Variants in FBXW11 observed in about 807,000 individuals in gnomAD.
The protein encoded by FBXW11 is F-box/WD repeat-containing protein 11.
Under a neutral mutation model 77.6 loss-of-function variants are expected in FBXW11, and 19 were observed. The observed-to-expected ratio is 0.24, with a 90% CI of 0.17 to 0.36. FBXW11 has a LOEUF of 0.36. Among genes scored for constraint, FBXW11 ranks in the 10% least tolerant of loss-of-function variants. The probability of loss-of-function intolerance (pLI) is 1.00; values close to 1 mark genes in which losing one functional copy is unlikely to be tolerated. For synonymous variants in FBXW11, 235 were observed against 249.4 expected (o/e 0.94, Z 0.54); for missense variants, 334 against 704.2 (o/e 0.47, Z 5.95).
At chr5:171,984,334 C>T (rs1404123912) in intron 1 of FBXW11, among the ~76,000 whole-genome samples, 1 of 152,172 alleles carries the variant, frequency 6.6e-6, no homozygotes, top group East Asian at 1.9e-4. Context: ...ATAAAACATA[C>T]CTATACAAAT....
At chr5:171,866,644 A>T (rs1274411793) in intron 13 of FBXW11, among the ~76,000 whole-genome samples, 1 of 152,178 alleles carries the variant, frequency 6.6e-6, no homozygotes, top group Non-Finnish European at 1.5e-5. Flanking sequence ...ATTGTAATAC[A>T]CCAGAAAAAG....
chr5:171,883,567 C>T lies in FBXW11; in HGVS notation c.853-5438G>A, dbSNP rs187841682. 2.6e-4 allele frequency among the ~76,000 whole-genome samples: 40 copies of T among 152,280 alleles called. 1 individual carries two copies. The highest frequency in any genetic ancestry group is 2.1e-3 in the Admixed American group (32 of 15,298). ...AAAAAGAAATCTCCACATTGTTTTC[C>T]ATAGCAGCTGTACTAGTTTACATTC... On this transcript the variant is annotated intron_variant, in intron 7 of 13. Transcript: ENST00000517395.
intron 7 of FBXW11, among the ~76,000 whole-genome samples, chr5:171,880,858 G>C (rs1259641932): frequency 6.6e-6 from 1 of 152,100 alleles, no homozygotes; most frequent in Non-Finnish European, 1.5e-5. Flanking sequence ...ACCACACCCG[G>C]CTAATTTTTG....
At chr5:171,940,865 G>A (rs189814517) in intron 2 of FBXW11, among the ~76,000 whole-genome samples, 6 of 132,748 alleles carry the variant, frequency 4.5e-5, no homozygotes, top group South Asian at 2.7e-4. Context: ...CCAGCCTGGC[G>A]ACAGAGCAAG....
chr5:171,916,325 G>T, intron 2 of FBXW11: 2 of 334,124 alleles, frequency 6.0e-6, no homozygotes, highest in Non-Finnish European at 8.5e-6. Context: ...CAGAGATTTT[G>T]ACAGGATGCT....
intron 13 of FBXW11, among the ~76,000 whole-genome samples, 197 bp downstream of exon 13, chr5:171,868,413 C>T (rs560262274): frequency 5.3e-5 from 8 of 152,220 alleles, no homozygotes; most frequent in Non-Finnish European, 1.2e-4. Flanking sequence ...AAAACCCACA[C>T]AATAGGCAGG....
At chr5:171,955,718 A>G (rs1763572347) in intron 2 of FBXW11, among the ~76,000 whole-genome samples, 1 of 152,080 alleles carries the variant, frequency 6.6e-6, no homozygotes, top group South Asian at 2.1e-4. Context: ...CATACCCTCA[A>G]TTATATACTA....
rs1763644799 is a variant in FBXW11 at position 171,956,949 on chromosome 5, G to A, written c.147+648C>T. Among the ~76,000 whole-genome samples, 4 of 152,140 alleles carry A rather than the reference G, an allele frequency of 2.6e-5. No homozygotes were observed. In the East Asian group the frequency reaches 7.7e-4, roughly 29 times the overall value. On this transcript the variant is annotated intron_variant, in intron 2 of 13. Transcript: ENST00000517395. Reference sequence around the variant, plus strand: ...GCACTCCTGCTAACAGTTCTATCCTGAGCAACCCTTTCCCATCCACCCCCA... The same window carrying A: ...GCACTCCTGCTAACAGTTCTATCCTAAGCAACCCTTTCCCATCCACCCCCA...
intron 1 of FBXW11, among the ~76,000 whole-genome samples, chr5:171,987,516 T>C (rs1020238256): frequency 6.6e-6 from 1 of 152,114 alleles, no homozygotes; most frequent in African/African-American, 2.4e-5. Flanking sequence ...AGTGGCACAA[T>C]CTCAGCTCAC....
At chr5:172,006,353 C>T in intron 1 of FBXW11, 105 bp downstream of exon 1, 1 of 1,025,006 alleles carries the variant, frequency 9.8e-7, no homozygotes, top group Non-Finnish European at 1.4e-6. Context: ...TGGGTCGAGG[C>T]GTCTGGGAAG....
chr5:171,948,505 A>T (rs1763138464), intron 2 of FBXW11, among the ~76,000 whole-genome samples: 1 of 152,152 alleles, frequency 6.6e-6, no homozygotes, highest in Non-Finnish European at 1.5e-5. Context: ...TGGGAGGTAG[A>T]GGCAGGAAGA....
intron 1 of FBXW11, among the ~76,000 whole-genome samples, chr5:171,971,745 G>C (rs1395465485): frequency 6.6e-6 from 1 of 152,194 alleles, no homozygotes. Context: ...CACTTTGGCA[G>C]GCCAAGGAGG....
At chr5:171,937,286 C>T (rs1433959905) in intron 2 of FBXW11, among the ~76,000 whole-genome samples, 2 of 152,152 alleles carry the variant, frequency 1.3e-5, no homozygotes, top group Non-Finnish European at 2.9e-5. Context: ...ATCAGTCCTA[C>T]CAGACATCAA....
chr5:171,916,108 G>A (rs762038024), intron 2 of FBXW11, among the ~76,000 whole-genome samples: 9 of 151,536 alleles, frequency 5.9e-5, no homozygotes, highest in East Asian at 1.9e-4. Flanking sequence ...GGGGAGGTGG[G>A]GGGATAGCAT....
In FBXW11 at chr5:171,967,871, TATATATATATATACACACACACAC is replaced by T. The variant is rs1284821892; in HGVS notation, c.46-10197_46-10174del. Among the ~76,000 whole-genome samples the T allele has an allele frequency of 1.8e-4, 20 of 110,880 alleles. No homozygotes were observed. The East Asian group carries it at 2.3e-3, about 13-fold the overall frequency. 72.7% of individuals were successfully genotyped at this position (110,880 alleles called of 152,430 possible). On this transcript the variant is annotated intron_variant, in intron 1 of 13. Coordinates refer to ENST00000517395, the MANE Select transcript of FBXW11 (RefSeq NM_001378974.1). ...AAAAAAATGCATATATATATATATA[TATATATATATATACACACACACAC>T]ACACACACACACACACACACACACA...
At chr5:171,952,175 A>G (rs1176619888) in intron 2 of FBXW11, among the ~76,000 whole-genome samples, 1 of 151,758 alleles carries the variant, frequency 6.6e-6, no homozygotes, top group African/African-American at 2.4e-5. Context: ...AATCAGCAGC[A>G]GCAGAATAAC....
intron 2 of FBXW11, among the ~76,000 whole-genome samples, chr5:171,948,122 C>T (rs1053438762): frequency 1.3e-5 from 2 of 150,622 alleles, no homozygotes; most frequent in African/African-American, 4.9e-5. Context: ...GTAATCCCAG[C>T]TACTAGGGAG....
Position 171,900,011 on chromosome 5 carries a change from G to A in FBXW11, c.526C>T (p.Gln176Ter). 6.2e-7 allele frequency: 1 copy of A among 1,613,780 alleles called. No individual in the cohort carries two copies. The highest frequency in any genetic ancestry group is 8.5e-7 in the Non-Finnish European group (1 of 1,179,766). Residue 176 changes from glutamine to a stop codon, truncating the protein, a stop_gained, in exon 5 of 14, where the codon CAG (glutamine) becomes TAG (stop). Transcript: ENST00000517395. LOFTEE classifies it high-confidence loss of function. Reference protein sequence around the residue: ...CAAELVCKEWQRVISEGMLWK... With the variant: ...CAAELVCKEW ...AGCATTCCTTCTGAGATCACTCGCT[G>A]CCATTCTTTACATACCAGCTCTGCT...
chr5:171,933,959 A>T (rs1762349313), intron 2 of FBXW11, among the ~76,000 whole-genome samples: 1 of 152,212 alleles, frequency 6.6e-6, no homozygotes. Flanking sequence ...CAACATCCCA[A>T]ACAAGCCTTT....
Sources: gnomAD v4.1 joint callset for allele counts (sites outside exome capture counted in the v4.1 genomes callset) on GRCh38, gnomAD v4.1.1 for gene constraint, MANE v1.5 for transcripts, NCBI Gene and HGNC (gene_info 2026-07-23, HGNC 2026-07-21) for gene names.